Variants in TDRD3 observed in about 807,000 individuals in gnomAD.
The protein encoded by TDRD3 is tudor domain containing 3.
Under a neutral mutation model 86.7 loss-of-function variants are expected in TDRD3, and 45 were observed. That is an observed-to-expected ratio of 0.52 (90% CI 0.41 to 0.67). The LOEUF (loss-of-function observed/expected upper bound fraction) is 0.67, where lower values mean the gene tolerates loss of function less well. TDRD3 is among the 30% of genes least tolerant of loss of function. TDRD3 has a pLI of 0.00. For missense variants in TDRD3, 814 were observed against 889.0 expected (o/e 0.92, Z 1.07); for synonymous variants, 298 against 301.7 (o/e 0.99, Z 0.13).
At position 60,397,261 on chromosome 13, in the gene TDRD3, T is replaced by C. The variant is rs562066616; in HGVS notation, c.-104T>C. ...TGCAGAGCCGACCAGAGGAGTTTTTTCTTTTCTTTTCTTTTTTTTTTTTTA... is the reference window on the plus strand; with the variant it reads ...TGCAGAGCCGACCAGAGGAGTTTTTCCTTTTCTTTTCTTTTTTTTTTTTTA... On this transcript the variant is annotated 5_prime_UTR_variant, in exon 1 of 14. Transcript: ENST00000377881. 2.6e-4 allele frequency: 170 copies of C among 664,730 alleles called. No individual in the cohort carries two copies. Among genetic ancestry groups the C allele is most frequent in the African/African-American group, 9.1e-4 (44 of 48,144 alleles). The allele number at this position is 664,730 out of a possible 1,614,324, so 41.2% of individuals were successfully genotyped here.
At chr13:60,435,127 C>G (rs936901240) in intron 1 of TDRD3, among the ~76,000 whole-genome samples, 6 of 152,074 alleles carry the variant, frequency 3.9e-5, no homozygotes, top group African/African-American at 1.4e-4. Context: ...TGACAATCGT[C>G]CAGTATTAAC....
chr13:60,436,272 C>T (rs2137942986), intron 1 of TDRD3, among the ~76,000 whole-genome samples: 1 of 151,932 alleles, frequency 6.6e-6, no homozygotes, highest in African/African-American at 2.4e-5. Flanking sequence ...TTAAGTTCTA[C>T]TTACTTTTTA....
chr13:60,549,223 G>T (rs1957994075), intron 12 of TDRD3, among the ~76,000 whole-genome samples: 1 of 151,986 alleles, frequency 6.6e-6, no homozygotes, highest in South Asian at 2.1e-4. Context: ...AAAAGTAAAA[G>T]GAAACAAAAT....
chr13:60,478,613 G>A (rs9538719), intron 5 of TDRD3, among the ~76,000 whole-genome samples: 47,006 of 151,650 alleles, frequency 0.31, 7,493 homozygotes, highest in South Asian at 0.36. Context: ...TCCACAGTCT[G>A]TCAATCTTAG....
intron 10 of TDRD3, among the ~76,000 whole-genome samples, chr13:60,525,085 T>TAAA (rs1957384104): frequency 5.8e-5 from 1 of 17,178 alleles, no homozygotes; most frequent in Non-Finnish European, 1.2e-4. Context: ...AAATTTTCTC[T>TAAA]CAAAAAAAAA....
At chr13:60,564,483 C>T (rs939730691) in intron 12 of TDRD3, among the ~76,000 whole-genome samples, 6 of 152,096 alleles carry the variant, frequency 3.9e-5, no homozygotes, top group African/African-American at 1.4e-4. Context: ...GGACAGTTCC[C>T]GTTTATGAAA....
Position 60,492,693 on chromosome 13 carries a change from T to G in TDRD3, c.718-1742T>G, listed in dbSNP as rs564918920. ...GCATTTCAAATATTTTTTTTTTTGC[T>G]GGGATTCCATAAACCCAAAATTGAA... On this transcript the variant is annotated intron_variant, in intron 7 of 13. Transcript: ENST00000377881. Among the ~76,000 whole-genome samples, 5 of 152,240 alleles carry G rather than the reference T, an allele frequency of 3.3e-5. No individual in the cohort carries two copies. In the South Asian group the frequency reaches 1.0e-3, roughly 32 times the overall value.
chr13:60,455,519 T>C (rs998308530), intron 3 of TDRD3, among the ~76,000 whole-genome samples: 1 of 152,200 alleles, frequency 6.6e-6, no homozygotes, highest in Admixed American at 6.5e-5. Context: ...GAAATGCTTT[T>C]GGAAGTAGTG....
intron 8 of TDRD3, among the ~76,000 whole-genome samples, chr13:60,508,986 G>A (rs1325482195): frequency 6.6e-6 from 1 of 152,132 alleles, no homozygotes; most frequent in Non-Finnish European, 1.5e-5. Flanking sequence ...ACTTTAAATG[G>A]ACTGTCTTAT....
At chr13:60,427,018 CAT>C (rs139908945) in intron 1 of TDRD3, among the ~76,000 whole-genome samples, 1,724 of 152,154 alleles carry the variant, frequency 0.011, 41 homozygotes, top group African/African-American at 0.039. Flanking sequence ...TGTATTTAAA[CAT>C]ATTTGTATAT....
rs774567693 is a variant in TDRD3 at position 60,528,426 on chromosome 13, C to A, written c.1201C>A (p.Gln401Lys). The A allele has an allele frequency of 2.0e-5, 32 of 1,612,120 alleles. No homozygotes were observed. Among genetic ancestry groups the A allele is most frequent in the Non-Finnish European group, 2.5e-5 (29 of 1,179,196 alleles). Residue 401 changes from glutamine (Q) to lysine (K), a missense_variant, in exon 11 of 14, where the codon CAA (glutamine) becomes AAA (lysine). By Grantham distance (53) the Gln-to-Lys change is moderately conservative (BLOSUM62 1). Coordinates refer to ENST00000377881, the MANE Select transcript of TDRD3 (RefSeq NM_001146070.2). ...ACAATACAGATCATCAAATACTGAG[C>A]AAAATGGAGTAAAAGATAATAATCA... is the stretch of plus-strand genomic sequence containing the variant. Reference protein sequence around the residue: ...QGQYRSSNTEQNGVKDNNHLR... With the variant: ...QGQYRSSNTEKNGVKDNNHLR...
intron 10 of TDRD3, among the ~76,000 whole-genome samples, chr13:60,511,179 A>G (rs1291662100): frequency 6.6e-6 from 1 of 152,214 alleles, no homozygotes; most frequent in African/African-American, 2.4e-5. Context: ...TATTTTTTAT[A>G]TACTTTAGTG....
intron 12 of TDRD3, chr13:60,536,075 A>G (rs1383867657): frequency 6.6e-6 from 1 of 152,224 alleles, no homozygotes; most frequent in East Asian, 1.9e-4. Flanking sequence ...TAACTTCATC[A>G]TTGAAGGGTA....
At chr13:60,483,692 A>G in intron 5 of TDRD3, 83 bp from the exon 6 acceptor site, 2 of 1,238,314 alleles carry the variant, frequency 1.6e-6, no homozygotes, top group Non-Finnish European at 1.1e-6. Context: ...CTACTCAAAT[A>G]GGTAGATTCC....
At chr13:60,429,722 A>C (rs1167770502) in intron 1 of TDRD3, among the ~76,000 whole-genome samples, 1 of 152,158 alleles carries the variant, frequency 6.6e-6, no homozygotes, top group African/African-American at 2.4e-5. Flanking sequence ...TGCTAGAAAT[A>C]TGTAGTTAGG....
At chr13:60,414,787 C>A (rs932015294) in intron 1 of TDRD3, among the ~76,000 whole-genome samples, 2 of 152,004 alleles carry the variant, frequency 1.3e-5, no homozygotes, top group African/African-American at 2.4e-5. Flanking sequence ...TCCATTATAT[C>A]CTAGGGCAGA....
At chr13:60,568,388 C>T (rs1343427700) in intron 13 of TDRD3, among the ~76,000 whole-genome samples, 3 of 152,116 alleles carry the variant, frequency 2.0e-5, no homozygotes, top group Non-Finnish European at 4.4e-5. Flanking sequence ...AGAGCTACTT[C>T]TTGACTCTAG....
intron 12 of TDRD3, among the ~76,000 whole-genome samples, chr13:60,542,077 C>T (rs189138547): frequency 1.1e-4 from 16 of 152,108 alleles, no homozygotes; most frequent in African/African-American, 2.9e-4. Flanking sequence ...CACAACTGAA[C>T]GGGGCTGGAA....
chr13:60,494,418 C>T lies in TDRD3; in HGVS notation c.718-17C>T. 1 of 1,600,592 alleles carries T rather than the reference C, an allele frequency of 6.2e-7. No individual in the cohort carries two copies. Among genetic ancestry groups the T allele is most frequent in the Non-Finnish European group, 8.5e-7 (1 of 1,172,570 alleles). On this transcript the variant is annotated splice_polypyrimidine_tract_variant and intron_variant, in intron 7 of 13. Transcript: ENST00000377881. ...TGCTGTCTACATACCTCTCTTTTAT[C>T]TTTCTCTTATGTAAAGACCAAGACA...
Sources: allele counts gnomAD v4.1 joint callset (sites outside exome capture counted in the v4.1 genomes callset), GRCh38; gene constraint gnomAD v4.1.1; transcripts MANE v1.5; gene names NCBI Gene and HGNC (gene_info 2026-07-23, HGNC 2026-07-21).